The following MYH7B variants were observed in gnomAD, a reference collection of about 807,000 sequenced individuals.
The protein encoded by MYH7B is myosin heavy chain 7B, also known as myosin-7B.
In MYH7B, 205 loss-of-function variants were observed where a neutral mutation model predicts 234.5. The ratio of observed to expected loss-of-function variants is 0.87; its 90% CI spans 0.78 to 0.98. The LOEUF (loss-of-function observed/expected upper bound fraction) is 0.98. MYH7B is among the 50% of genes least tolerant of loss of function. The probability of loss-of-function intolerance (pLI) is 0.00; values close to 1 mark genes in which losing one functional copy is unlikely to be tolerated. For missense variants in MYH7B, 2,652 were observed against 2,633.4 expected (o/e 1.01, Z -0.15); for synonymous variants, 1,193 against 1,105.0 (o/e 1.08, Z -1.58).
chr20:34,975,373 TTTTGTTTG>T lies in MYH7B; in HGVS notation c.-221-12_-221-5del, dbSNP rs898011861. 11 of 576,894 alleles carry T rather than the reference TTTTGTTTG, an allele frequency of 1.9e-5. No individual in the cohort carries two copies. The highest frequency in any genetic ancestry group is 4.4e-5 in the South Asian group (2 of 45,770). 35.7% of individuals were successfully genotyped at this position (576,894 alleles called of 1,614,324 possible). On this transcript the variant is annotated intron_variant, in intron 2 of 44. Coordinates refer to ENST00000262873, the Ensembl canonical transcript of MYH7B. ...GTGCATGCCACCATGCCTGGCTAATTTTTGTTTGTTTGTTTGTTTGTTGTAGAGATGGG... is the reference window on the plus strand; with the variant it reads ...GTGCATGCCACCATGCCTGGCTAATTTTTGTTTGTTTGTTGTAGAGATGGG...
rs747418223 is a variant in MYH7B at position 35,002,070 on chromosome 20, C to T, written c.5799C>T (p.Asp1933=). 23 of 1,613,770 alleles carry T rather than the reference C, an allele frequency of 1.4e-5. No individual in the cohort carries two copies. Among genetic ancestry groups the T allele is most frequent in the Admixed American group, 3.3e-5 (2 of 60,000 alleles). Reference sequence around the variant, plus strand: ...ACAAGCTGCGGGCACGGACCCGGGACGCCCTGGGCCCCAAGGTGAGGAGTG... The same window carrying T: ...ACAAGCTGCGGGCACGGACCCGGGATGCCCTGGGCCCCAAGGTGAGGAGTG... The change falls in exon 44 of 45, where the codon GAC becomes GAT. Residue 1933 remains aspartate, a synonymous_variant. Transcript: ENST00000262873.
intron 2 of MYH7B, among the ~76,000 whole-genome samples, chr20:34,972,286 T>G (rs566969363): frequency 5.3e-5 from 8 of 152,224 alleles, no homozygotes; most frequent in African/African-American, 1.7e-4. Context: ...GGACGGCACC[T>G]TAAACATCCC....
At chr20:34,980,411 T>C in intron 7 of MYH7B, 167 bp from the exon 8 acceptor site, 1 of 637,420 alleles carries the variant, frequency 1.6e-6, no homozygotes, top group Non-Finnish European at 2.8e-6. Context: ...TAGCCGGTCG[T>C]GGTGGCACGC....
intron 10 of MYH7B, 50 bp from the exon 11 acceptor site, chr20:34,984,642 T>G: frequency 3.6e-4 from 313 of 869,358 alleles, no homozygotes; most frequent in Non-Finnish European, 4.9e-4. Context: ...CACCCCGCCC[T>G]TCCCCACCGG....
At chr20:35,001,380 C>T in intron 42 of MYH7B, 31 bp downstream of exon 42, 1 of 1,596,772 alleles carries the variant, frequency 6.3e-7, no homozygotes, top group Non-Finnish European at 8.5e-7. Context: ...GGGGAGTGGC[C>T]CTGGAGCTGG....
Position 34,980,399 on chromosome 20 carries a change from A to T in MYH7B, c.343-179A>T, listed in dbSNP as rs533676188. ...CCCCGTCTGTACTAAAAATACAAAA[A>T]TTAGCCGGTCGTGGTGGCACGCGCT... is the stretch of plus-strand genomic sequence containing the variant. On this transcript the variant is annotated intron_variant, in intron 7 of 44. Transcript: ENST00000262873. 4.8e-5 allele frequency: 29 copies of T among 604,232 alleles called. No homozygotes were observed. The South Asian group carries it at 5.8e-4, about 12-fold the overall frequency. 37.4% of individuals were successfully genotyped at this position (604,232 alleles called of 1,614,324 possible). A position where few individuals can be genotyped will look rare whatever the true frequency, so the allele number is the denominator to read the frequency against.
intron 3 of MYH7B, 96 bp downstream of exon 3, chr20:34,975,595 G>C: frequency 1.5e-6 from 1 of 659,028 alleles, no homozygotes; most frequent in Non-Finnish European, 2.8e-6. Context: ...GCAAAAGACT[G>C]AAAACAATCG....
chr20:34,964,806 G>T (rs1449601660), intron 2 of MYH7B, among the ~76,000 whole-genome samples: 1 of 152,108 alleles, frequency 6.6e-6, no homozygotes, highest in African/African-American at 2.4e-5. Context: ...AGGATGAGAG[G>T]TCACAGTGGC....
intron 2 of MYH7B, among the ~76,000 whole-genome samples, chr20:34,973,233 A>C (rs538244560): frequency 1.3e-5 from 2 of 152,216 alleles, no homozygotes; most frequent in South Asian, 4.1e-4. Flanking sequence ...TGGCCTCCAA[A>C]AGTGCAGGGA....
At position 35,000,592 on chromosome 20, in the gene MYH7B, AGCTGCGG is replaced by A. The variant is rs1013569808; in HGVS notation, c.5087_5093del (p.Arg1696ProfsTer34). On this transcript the variant is annotated frameshift_variant, in exon 39 of 45. Coordinates refer to ENST00000262873, the Ensembl canonical transcript of MYH7B. LOFTEE classifies it high-confidence loss of function. The stretch of plus-strand genomic sequence containing the variant: ...TCGCTGCTGGCTGCGGAGCTGGAGG[AGCTGCGG>A]GCTGCCCTGGAGCAGGGCGAGCGCA... The A allele has an allele frequency of 1.9e-6, 3 of 1,568,840 alleles. No individual in the cohort carries two copies. Among genetic ancestry groups the A allele is most frequent in the Non-Finnish European group, 2.6e-6 (3 of 1,161,924 alleles).
chr20:34,976,249 T>C (rs1214159467), intron 3 of MYH7B, among the ~76,000 whole-genome samples: 1 of 152,192 alleles, frequency 6.6e-6, no homozygotes, highest in African/African-American at 2.4e-5. Flanking sequence ...CTGTTTTGAA[T>C]GTAGATGGTT....
At chr20:34,971,532 T>G (rs1481772267) in intron 2 of MYH7B, among the ~76,000 whole-genome samples, 2 of 152,200 alleles carry the variant, frequency 1.3e-5, no homozygotes, top group Non-Finnish European at 2.9e-5. Context: ...TTGGGCCCTC[T>G]GCAGCTGCCC....
At chr20:34,993,799 A>G (rs2082202529) in intron 26 of MYH7B, among the ~76,000 whole-genome samples, 1 of 152,222 alleles carries the variant, frequency 6.6e-6, no homozygotes, top group Non-Finnish European at 1.5e-5. Flanking sequence ...GTCCTGAGAA[A>G]CAGGCGCTGT....
intron 29 of MYH7B, 31 bp downstream of exon 29, chr20:34,996,553 CG>C (rs771021336): frequency 5.0e-6 from 8 of 1,601,344 alleles, no homozygotes; most frequent in Non-Finnish European, 6.8e-6. Flanking sequence ...GACTGGGTGG[CG>C]GGGCCGGGGT....
intron 27 of MYH7B, among the ~76,000 whole-genome samples, chr20:34,995,083 C>G (rs1019255363): frequency 3.3e-5 from 5 of 152,254 alleles, no homozygotes; most frequent in Non-Finnish European, 5.9e-5. Flanking sequence ...CAGCGGGCTT[C>G]CCTCTCAGAA....
At position 34,983,258 on chromosome 20, in the gene MYH7B, TTTC is replaced by T. The variant is rs869155214; in HGVS notation, c.624+706_624+708del. ...GTTTTTCCCCTGTTTTCTTTCTTTC[TTTC>T]TTTTCTCTTTCTTTTTTCTTTCTTT... On this transcript the variant is annotated intron_variant, in intron 10 of 44. Coordinates refer to ENST00000262873, the Ensembl canonical transcript of MYH7B. Among the ~76,000 whole-genome samples, 6 of 151,562 alleles carry T rather than the reference TTTC, an allele frequency of 4.0e-5. No homozygotes were observed. In the East Asian group the frequency reaches 9.6e-4, roughly 24 times the overall value.
At chr20:34,980,335 C>T (rs2081923154) in intron 7 of MYH7B, 2 of 433,530 alleles carry the variant, frequency 4.6e-6, no homozygotes, top group South Asian at 3.1e-5. Flanking sequence ...GATCACCTGA[C>T]GTCAGAAGTT....
chr20:34,978,040 G>A (rs2081884365), exon 5 of MYH7B: 9 of 1,614,092 alleles, frequency 5.6e-6, no homozygotes, highest in Middle Eastern at 1.6e-4. Context: ...GAGTCTGCCC[G>A]CTACCTCCGC....
At chr20:35,001,715 C>A in intron 43 of MYH7B, 189 bp downstream of exon 43, 1 of 827,256 alleles carries the variant, frequency 1.2e-6, no homozygotes, top group Non-Finnish European at 1.9e-6. Context: ...CATGTGCTTT[C>A]CCCTGGCCAA....
Sources: gnomAD v4.1 joint callset for allele counts (sites outside exome capture counted in the v4.1 genomes callset) on GRCh38, gnomAD v4.1.1 for gene constraint, MANE v1.5 for transcripts, NCBI Gene and HGNC (gene_info 2026-07-23, HGNC 2026-07-21) for gene names.